Variants in GFRA1 observed in about 807,000 individuals in gnomAD.
GFRA1 encodes the protein GDNF family receptor alpha-1.
Under a neutral mutation model 51.6 loss-of-function variants are expected in GFRA1, and 16 were observed. The observed-to-expected ratio is 0.31, with a 90% confidence interval of 0.21 to 0.47. The LOEUF is 0.47. Among genes scored for constraint, GFRA1 ranks in the 20% least tolerant of loss-of-function variants. GFRA1 has a pLI of 1.00. For synonymous variants in GFRA1, 270 were observed against 241.3 expected (o/e 1.12, Z -1.10); for missense variants, 530 against 594.3 (o/e 0.89, Z 1.13).
At chr10:116,165,257 G>T (rs1960257120) in intron 5 of GFRA1, among the ~76,000 whole-genome samples, 1 of 152,164 alleles carries the variant, frequency 6.6e-6, no homozygotes, top group Non-Finnish European at 1.5e-5. Context: ...CATGGAGATG[G>T]TGTGGCGACA....
At chr10:116,131,644 C>T (rs1958106332) in intron 5 of GFRA1, among the ~76,000 whole-genome samples, 1 of 152,026 alleles carries the variant, frequency 6.6e-6, no homozygotes, top group Non-Finnish European at 1.5e-5. Flanking sequence ...AAATAAAAGA[C>T]TACACACAGA....
At chr10:116,255,570 A>C in intron 4 of GFRA1, 1 of 1,285,114 alleles carries the variant, frequency 7.8e-7, no homozygotes, top group South Asian at 1.2e-5. Flanking sequence ...TAGCATATTC[A>C]GTATTAATTT....
At chr10:116,151,321 TC>T (rs1325721925) in intron 5 of GFRA1, among the ~76,000 whole-genome samples, 1 of 152,082 alleles carries the variant, frequency 6.6e-6, no homozygotes, top group Non-Finnish European at 1.5e-5. Flanking sequence ...TAAGAAACAT[TC>T]CAAGGGGACA....
chr10:116,126,399 C>CCTCTGCTGTCTGCAGCGAGAG (rs1308296994), intron 5 of GFRA1, among the ~76,000 whole-genome samples: 2 of 152,234 alleles, frequency 1.3e-5, no homozygotes, highest in African/African-American at 4.8e-5. Flanking sequence ...CACCGCCTGC[C>CCTCTGCTGTCTGCAGCGAGAG]CTCTGCTGTC....
At chr10:116,216,047 G>T (rs1488662591) in intron 4 of GFRA1, among the ~76,000 whole-genome samples, 1 of 152,092 alleles carries the variant, frequency 6.6e-6, no homozygotes, top group Non-Finnish European at 1.5e-5. Flanking sequence ...GAGCATCGAG[G>T]ATATTTGCCC....
intron 4 of GFRA1, among the ~76,000 whole-genome samples, chr10:116,266,030 T>C (rs1171466637): frequency 6.6e-6 from 1 of 152,204 alleles, no homozygotes; most frequent in Non-Finnish European, 1.5e-5. Context: ...GGACGGTTTT[T>C]AGATTCCACC....
Position 116,234,329 on chromosome 10 carries a change from T to C in GFRA1, c.419-22684A>G, listed in dbSNP as rs1392944178. On this transcript the variant is annotated intron_variant, in intron 4 of 10. Coordinates refer to ENST00000355422, the MANE Select transcript of GFRA1 (RefSeq NM_005264.8). The stretch of plus-strand genomic sequence containing the variant: ...GGATCTAGTGAAATGAAGGGACAAG[T>C]GTAAAGAAGAAACCAGCTCCAACTG... Among the ~76,000 whole-genome samples the C allele has an allele frequency of 2.0e-5, 3 of 152,056 alleles. No homozygotes were observed. The East Asian group carries it at 5.8e-4, about 29-fold the overall frequency.
chr10:116,193,045 A>G (rs2134332983), intron 5 of GFRA1, among the ~76,000 whole-genome samples: 1 of 152,084 alleles, frequency 6.6e-6, no homozygotes, highest in Non-Finnish European at 1.5e-5. Flanking sequence ...CCAACAAACA[A>G]CTGTTCCTTG....
chr10:116,080,122 C>T (rs550333593), intron 9 of GFRA1, among the ~76,000 whole-genome samples: 78 of 152,196 alleles, frequency 5.1e-4, no homozygotes, highest in Admixed American at 2.4e-3. Context: ...ATTGCTGGGC[C>T]GAAAGCCCCT....
At position 116,062,399 on chromosome 10, in the gene GFRA1, T is replaced by C. The variant is rs1954859552; in HGVS notation, c.*1999A>G. ...TTCACTAATTAAATACAGTTGGGTG[T>C]CTGCTGAATTTCCCTTGAAAACATT... On this transcript the variant is annotated 3_prime_UTR_variant, in exon 11 of 11. Transcript: ENST00000355422. The C allele has an allele frequency of 6.0e-6, 2 of 332,924 alleles. No homozygotes were observed. Among genetic ancestry groups the C allele is most frequent in the African/African-American group, 4.2e-5 (2 of 47,350 alleles). The allele number at this position is 332,924 out of a possible 1,614,324, so 20.6% of individuals were successfully genotyped here. A position where few individuals can be genotyped will look rare whatever the true frequency, so the allele number is the denominator to read the frequency against.
intron 5 of GFRA1, among the ~76,000 whole-genome samples, chr10:116,161,030 G>A (rs1959721388): frequency 6.6e-6 from 1 of 152,226 alleles, no homozygotes; most frequent in African/African-American, 2.4e-5. Context: ...AGAGAGACCA[G>A]ATGGCTTTCA....
rs185745590 is a variant in GFRA1 at position 116,129,149 on chromosome 10, C to A, written c.434-3592G>T. On this transcript the variant is annotated intron_variant, in intron 5 of 10. Transcript: ENST00000355422. ...TTTTTATTTCAGATTCTCATTCACA[C>A]AAAATATTTTTATAACCTTTCCGAA... Among the ~76,000 whole-genome samples the A allele has an allele frequency of 1.6e-4, 25 of 152,248 alleles. No homozygotes were observed. In the East Asian group the frequency reaches 4.4e-3, roughly 27 times the overall value.
intron 6 of GFRA1, among the ~76,000 whole-genome samples, chr10:116,103,027 AG>A (rs1262200522): frequency 6.6e-6 from 1 of 152,242 alleles, no homozygotes; most frequent in African/African-American, 2.4e-5. Context: ...ATGGTAGATA[AG>A]AAGATGCACA....
At chr10:116,159,485 A>G (rs1959515857) in intron 5 of GFRA1, among the ~76,000 whole-genome samples, 1 of 152,164 alleles carries the variant, frequency 6.6e-6, no homozygotes. Flanking sequence ...TTCACAGGAC[A>G]TGTCATAGAA....
At chr10:116,152,895 A>G (rs1456111488) in intron 5 of GFRA1, among the ~76,000 whole-genome samples, 1 of 152,238 alleles carries the variant, frequency 6.6e-6, no homozygotes, top group African/African-American at 2.4e-5. Context: ...TCAGCAAGTA[A>G]TTACTGTTTA....
intron 9 of GFRA1, among the ~76,000 whole-genome samples, chr10:116,079,732 G>A (rs1433075982): frequency 6.6e-6 from 1 of 152,088 alleles, no homozygotes; most frequent in East Asian, 1.9e-4. Context: ...CAATGTCGAG[G>A]AAGCCTGGCC....
At chr10:116,270,322 T>G (rs890132707) in intron 3 of GFRA1, among the ~76,000 whole-genome samples, 1 of 152,226 alleles carries the variant, frequency 6.6e-6, no homozygotes, top group Non-Finnish European at 1.5e-5. Flanking sequence ...CATCTGCCTT[T>G]GATCACGTTA....
intron 5 of GFRA1, among the ~76,000 whole-genome samples, chr10:116,137,442 C>T (rs776014798): frequency 3.0e-4 from 45 of 152,122 alleles, no homozygotes; most frequent in Non-Finnish European, 5.6e-4. Flanking sequence ...TTTCCTCCCA[C>T]GAGCCTATTT....
chr10:116,154,506 C>T (rs2134151398), intron 5 of GFRA1, among the ~76,000 whole-genome samples: 1 of 152,230 alleles, frequency 6.6e-6, no homozygotes, highest in South Asian at 2.1e-4. Context: ...TTCAAACAGG[C>T]AAACTTAATC....
Sources: allele counts gnomAD v4.1 joint callset (sites outside exome capture counted in the v4.1 genomes callset), GRCh38; gene constraint gnomAD v4.1.1; transcripts MANE v1.5; gene names NCBI Gene and HGNC (gene_info 2026-07-23, HGNC 2026-07-21).